The following SCHIP1 variants were observed in gnomAD, a reference collection of about 807,000 sequenced individuals.
SCHIP1 encodes schwannomin-interacting protein 1.
SCHIP1 carries 8 observed loss-of-function variants against 29.7 expected under a neutral mutation model. That is an observed-to-expected ratio of 0.27 (90% CI 0.16 to 0.49). SCHIP1 has a LOEUF of 0.49. Ranked by LOEUF, SCHIP1 falls within the 20% of genes least tolerant of loss-of-function variation. SCHIP1 has a pLI of 0.99. For synonymous variants in SCHIP1, 76 were observed against 94.9 expected (o/e 0.80, Z 1.16); for missense variants, 193 against 294.6 (o/e 0.66, Z 2.52).
At chr3:159,639,604 A>C in the SCHIP1 span, among the ~76,000 whole-genome samples, 3 of 152,204 alleles carry the variant, frequency 2.0e-5, no homozygotes, top group African/African-American at 4.8e-5. Flanking sequence ...TCCAGCAGTA[A>C]ATCCAAAGAG....
At chr3:159,675,586 T>C in the SCHIP1 span, among the ~76,000 whole-genome samples, 1 of 152,224 alleles carries the variant, frequency 6.6e-6, no homozygotes, top group East Asian at 1.9e-4. Flanking sequence ...GAGCTTGGTC[T>C]GCACAAAGTG....
the SCHIP1 span, among the ~76,000 whole-genome samples, chr3:159,459,023 T>C: frequency 6.6e-6 from 1 of 152,218 alleles, no homozygotes; most frequent in African/African-American, 2.4e-5. Flanking sequence ...TTCTTCATTG[T>C]TCTAAACTTT....
the SCHIP1 span, among the ~76,000 whole-genome samples, chr3:159,650,936 G>A: frequency 6.6e-6 from 1 of 152,168 alleles, no homozygotes; most frequent in Non-Finnish European, 1.5e-5. Context: ...ACTACCATTT[G>A]AATGTTGTGT....
the SCHIP1 span, among the ~76,000 whole-genome samples, chr3:159,494,524 G>A: frequency 1.4e-3 from 216 of 152,242 alleles, no homozygotes; most frequent in South Asian, 0.024. Context: ...TAAATTCCTC[G>A]ACACATACAC....
the SCHIP1 span, among the ~76,000 whole-genome samples, chr3:159,669,120 C>T: frequency 6.6e-6 from 1 of 152,172 alleles, no homozygotes; most frequent in African/African-American, 2.4e-5. Context: ...AGTTACTCAA[C>T]TTTCTGACAT....
the SCHIP1 span, among the ~76,000 whole-genome samples, chr3:159,479,126 C>A: frequency 6.6e-6 from 1 of 151,838 alleles, no homozygotes; most frequent in South Asian, 2.1e-4. Context: ...AATATTAAGC[C>A]AGAAAAATAG....
the SCHIP1 span, among the ~76,000 whole-genome samples, chr3:159,444,174 G>A: frequency 6.6e-4 from 100 of 152,194 alleles, no homozygotes; most frequent in East Asian, 7.7e-3. Context: ...CAAGGGGAGC[G>A]CAATCCCATG....
At chr3:159,556,082 A>C in the SCHIP1 span, among the ~76,000 whole-genome samples, 2 of 152,304 alleles carry the variant, frequency 1.3e-5, no homozygotes, top group Non-Finnish European at 2.9e-5. Flanking sequence ...AAAAAAACAA[A>C]CAACCACATC....
At chr3:159,888,230 C>A in intron 4 of SCHIP1, 2 of 345,416 alleles carry the variant, frequency 5.8e-6, no homozygotes, top group East Asian at 1.3e-4. Flanking sequence ...GGCAAACTTA[C>A]TATTGCTATA....
the SCHIP1 span, among the ~76,000 whole-genome samples, chr3:159,704,664 G>A: frequency 6.6e-6 from 1 of 152,064 alleles, no homozygotes; most frequent in Non-Finnish European, 1.5e-5. Flanking sequence ...AAATTAAAAT[G>A]GGAATTTCCT....
the SCHIP1 span, among the ~76,000 whole-genome samples, chr3:159,761,902 G>A: frequency 7.7e-3 from 1,174 of 152,230 alleles, 13 homozygotes; most frequent in African/African-American, 0.027. Flanking sequence ...GGCTGAGGAG[G>A]TCCTAATATT....
chr3:159,398,424 G>A, the SCHIP1 span, among the ~76,000 whole-genome samples: 1 of 152,178 alleles, frequency 6.6e-6, no homozygotes, highest in African/African-American at 2.4e-5. Context: ...CATGATGAAG[G>A]TTCTGGTAGG....
At chr3:159,679,375 C>G in the SCHIP1 span, among the ~76,000 whole-genome samples, 8 of 152,206 alleles carry the variant, frequency 5.3e-5, no homozygotes, top group African/African-American at 1.9e-4. Context: ...TTGAGAGCAT[C>G]TCGACAGTTT....
At chr3:159,797,921 T>A in the SCHIP1 span, among the ~76,000 whole-genome samples, 318 of 152,334 alleles carry the variant, frequency 2.1e-3, no homozygotes, top group Non-Finnish European at 3.6e-3. Context: ...AAATTGATTG[T>A]TTGTTTCAGT....
the SCHIP1 span, among the ~76,000 whole-genome samples, chr3:159,655,864 G>A: frequency 5.3e-5 from 8 of 152,170 alleles, no homozygotes; most frequent in African/African-American, 1.9e-4. Context: ...ACTCCAGCCT[G>A]GGTGGCAGAG....
chr3:159,298,868 C>T, the SCHIP1 span, among the ~76,000 whole-genome samples: 2 of 152,226 alleles, frequency 1.3e-5, no homozygotes, highest in Admixed American at 1.3e-4. Flanking sequence ...CTGGATTAAG[C>T]TAGATGGACA....
chr3:159,680,579 C>CTATATATAATATATGTATAATATATATTT, the SCHIP1 span, among the ~76,000 whole-genome samples: 56 of 98,006 alleles, frequency 5.7e-4, no homozygotes, highest in African/African-American at 2.4e-3. Flanking sequence ...TATAATATAT[C>CTATATATAATATATGTATAATATATATTT]TATATATAAT....
chr3:159,763,299 G>A, the SCHIP1 span, among the ~76,000 whole-genome samples: 1 of 152,012 alleles, frequency 6.6e-6, no homozygotes, highest in Non-Finnish European at 1.5e-5. Context: ...GCGTGTGTGA[G>A]GGGAGGGAGG....
chr3:159,527,475 C>G, the SCHIP1 span, among the ~76,000 whole-genome samples: 3 of 152,172 alleles, frequency 2.0e-5, no homozygotes, highest in Non-Finnish European at 4.4e-5. Context: ...AAACAATTGA[C>G]TAAACAACAA....
Sources: allele counts gnomAD v4.1 joint callset (sites outside exome capture counted in the v4.1 genomes callset), GRCh38; gene constraint gnomAD v4.1.1; transcripts MANE v1.5; gene names NCBI Gene and HGNC (gene_info 2026-07-23, HGNC 2026-07-21).